The following SLC25A51 variants were observed in gnomAD, a reference collection of about 807,000 sequenced individuals.
SLC25A51 encodes the protein mitochondrial nicotinamide adenine dinucleotide transporter SLC25A51.
In SLC25A51, 11 loss-of-function variants were observed where a neutral mutation model predicts 19.1. That is an observed-to-expected ratio of 0.58 (90% confidence interval 0.36 to 0.96). The LOEUF is 0.96. SLC25A51 is among the 40% of genes least tolerant of loss of function. The pLI is 0.01. For missense variants in SLC25A51, 201 were observed against 365.4 expected, an observed-to-expected ratio of 0.55 and a Z score of 3.67; for synonymous variants, 105 against 133.6, an observed-to-expected ratio of 0.79 and a Z score of 1.47.
intron 2 of SLC25A51, among the ~76,000 whole-genome samples, chr9:37,893,859 A>G: frequency 6.6e-6 from 1 of 152,222 alleles, no homozygotes; most frequent in East Asian, 1.9e-4. Context: ...CCTCTCCTCC[A>G]GGCTCACTGG....
chr9:37,890,840 C>T (rs893743102), intron 2 of SLC25A51, among the ~76,000 whole-genome samples: 1 of 152,120 alleles, frequency 6.6e-6, no homozygotes, highest in Non-Finnish European at 1.5e-5. Context: ...CAATCCAAAC[C>T]ATATTTAAGA....
At position 37,887,608 on chromosome 9, in the gene SLC25A51, TCTTAGAAG is replaced by T; in HGVS notation, c.*41_*48del. ...AAAAAAAGAGGCCAAACTGCATTCT[TCTTAGAAG>T]GTCTATTCAGTTGATAAATGGCACT... On this transcript the variant is annotated 3_prime_UTR_variant, in exon 3 of 3. Coordinates refer to ENST00000242275, the MANE Select transcript of SLC25A51 (RefSeq NM_033412.4). 6.5e-7 allele frequency: 1 copy of T among 1,543,314 alleles called. No homozygotes were observed. Among genetic ancestry groups the T allele is most frequent in the Non-Finnish European group, 8.7e-7 (1 of 1,150,010 alleles).
chr9:37,900,403 C>T (rs1322852342), intron 1 of SLC25A51, among the ~76,000 whole-genome samples: 1 of 151,000 alleles, frequency 6.6e-6, no homozygotes, highest in Non-Finnish European at 1.5e-5. Context: ...AAACCAAGAT[C>T]ACAGCACTGC....
At chr9:37,903,517 G>A (rs1222602292) in intron 1 of SLC25A51, 2 of 152,328 alleles carry the variant, frequency 1.3e-5, no homozygotes, top group Admixed American at 6.5e-5. Flanking sequence ...GCCAGGCTAT[G>A]TAGCTGAACT....
chr9:37,896,606 G>T (rs1383687840), intron 2 of SLC25A51, among the ~76,000 whole-genome samples: 1 of 152,154 alleles, frequency 6.6e-6, no homozygotes, highest in Non-Finnish European at 1.5e-5. Flanking sequence ...GACCAGTCTG[G>T]CCAACATGGC....
chr9:37,886,200 AGACT>A (rs1310318101), downstream of SLC25A51: 7 of 1,544,558 alleles, frequency 4.5e-6, no homozygotes, highest in African/African-American at 2.7e-5. Flanking sequence ...CGGCAGCCAC[AGACT>A]GACAAGAAAG....
downstream of SLC25A51, chr9:37,879,048 G>T: frequency 6.0e-6 from 2 of 331,802 alleles, no homozygotes; most frequent in South Asian, 5.8e-5. Context: ...TAGTATTGAT[G>T]GGTTCTACTT....
At chr9:37,891,515 A>T (rs1281688037) in intron 2 of SLC25A51, among the ~76,000 whole-genome samples, 1 of 152,204 alleles carries the variant, frequency 6.6e-6, no homozygotes, top group Non-Finnish European at 1.5e-5. Flanking sequence ...GTACTAAGAA[A>T]AATTCTTCTG....
chr9:37,878,058 C>T (rs1161589069), downstream of SLC25A51: 2 of 153,488 alleles, frequency 1.3e-5, no homozygotes, highest in Admixed American at 1.3e-4. Flanking sequence ...ATATTCACAA[C>T]AGAGATTTCT....
intron 2 of SLC25A51, among the ~76,000 whole-genome samples, chr9:37,898,877 G>A (rs75058897): frequency 0.019 from 2,919 of 152,266 alleles, 41 homozygotes; most frequent in Non-Finnish European, 0.031. Context: ...AATAACTCAA[G>A]AGTCTATCTT....
At chr9:37,899,384 TTTTTTC>T (rs1235634379) in intron 2 of SLC25A51, among the ~76,000 whole-genome samples, 1 of 152,212 alleles carries the variant, frequency 6.6e-6, no homozygotes, top group African/African-American at 2.4e-5. Context: ...TTGTCATTTT[TTTTTTC>T]TTCTTTTACA....
intron 2 of SLC25A51, among the ~76,000 whole-genome samples, chr9:37,890,695 T>TAA (rs60988477): frequency 2.1e-5 from 3 of 145,988 alleles, no homozygotes; most frequent in South Asian, 4.3e-4. Flanking sequence ...TACCCTGCTT[T>TAA]AAAAAAAAAA....
chr9:37,889,653 T>C (rs1195774475), intron 2 of SLC25A51, among the ~76,000 whole-genome samples: 3 of 151,082 alleles, frequency 2.0e-5, no homozygotes, highest in African/African-American at 7.3e-5. Flanking sequence ...GAAGTCTGAG[T>C]GATTCCAGGG....
At chr9:37,881,423 AG>A (rs1564064003) in intron 3 of SLC25A51, 2 of 152,250 alleles carry the variant, frequency 1.3e-5, no homozygotes, top group Non-Finnish European at 2.9e-5. Context: ...TGGGAGGCCA[AG>A]GTGGGCAGAT....
At position 37,888,369 on chromosome 9, in the gene SLC25A51, T is replaced by C. The variant is rs1301089835; in HGVS notation, c.182A>G (p.Tyr61Cys). The C allele has an allele frequency of 3.1e-6, 5 of 1,614,276 alleles. No individual in the cohort carries two copies. The highest frequency in any genetic ancestry group is 4.2e-6 in the Non-Finnish European group (5 of 1,180,056). The change falls in exon 3 of 3, where the codon TAT becomes TGT. Residue 61 changes from tyrosine (Y) to cysteine (C), a missense_variant. Physicochemically the swap from Tyr to Cys is radical, Grantham distance 194 (BLOSUM62 -2). Coordinates refer to ENST00000242275, the MANE Select transcript of SLC25A51 (RefSeq NM_033412.4). Reference sequence around the variant, plus strand: ...TATTGCATCCCGGGTTTTGATGCCATACAGCTGTTGTCGAAAGAGGACCTT... The same window carrying C: ...TATTGCATCCCGGGTTTTGATGCCACACAGCTGTTGTCGAAAGAGGACCTT... The part of the protein sequence containing the change: ...IQKVLFRQQL[Y>C]GIKTRDAILQ...
At chr9:37,885,363 A>AC (rs1831428553), downstream of SLC25A51, among the ~76,000 whole-genome samples, 1 of 151,804 alleles carries the variant, frequency 6.6e-6, no homozygotes, top group East Asian at 1.9e-4. Flanking sequence ...AAAAAAAAAA[A>AC]AAAAACCTTG....
At chr9:37,885,878 AC>A (rs112729066), downstream of SLC25A51, 195 of 1,567,606 alleles carry the variant, frequency 1.2e-4, no homozygotes, top group Middle Eastern at 5.0e-4. Flanking sequence ...TGACGTGCAA[AC>A]CCCCCCCTCC....
At chr9:37,881,201 TAAAAAAA>T in intron 3 of SLC25A51, among the ~76,000 whole-genome samples, 1 of 128,624 alleles carries the variant, frequency 7.8e-6, no homozygotes, top group East Asian at 2.3e-4. Flanking sequence ...AAAGTAGATA[TAAAAAAA>T]AAAAAAAAAT....
intron 3 of SLC25A51, among the ~76,000 whole-genome samples, chr9:37,881,296 G>C (rs1831345187): frequency 6.6e-6 from 1 of 152,074 alleles, no homozygotes; most frequent in South Asian, 2.1e-4. Flanking sequence ...AGAAAGTACT[G>C]ATAAGCTAAA....
Sources: gnomAD v4.1 joint callset for allele counts (sites outside exome capture counted in the v4.1 genomes callset) on GRCh38, gnomAD v4.1.1 for gene constraint, MANE v1.5 for transcripts, NCBI Gene and HGNC (gene_info 2026-07-23, HGNC 2026-07-21) for gene names.